Variants in COL22A1 observed in about 807,000 individuals in gnomAD.
The protein encoded by COL22A1 is collagen alpha-1(XXII) chain.
In COL22A1, 221 loss-of-function variants were observed where a neutral mutation model predicts 248.9. The observed-to-expected ratio is 0.89, with a 90% confidence interval of 0.80 to 0.99. The LOEUF (loss-of-function observed/expected upper bound fraction) is 0.99, where lower values mean the gene tolerates loss of function less well. Among genes scored for constraint, COL22A1 ranks in the 50% least tolerant of loss-of-function variants. The probability of loss-of-function intolerance (pLI) is 0.00; values close to 1 mark genes in which losing one functional copy is unlikely to be tolerated. For synonymous variants in COL22A1, 891 were observed against 793.4 expected (o/e 1.12, Z -2.07); for missense variants, 2,240 against 2,179.0 (o/e 1.03, Z -0.56).
chr8:138,799,469 T>C (rs1305467542), intron 11 of COL22A1, among the ~76,000 whole-genome samples: 3 of 152,196 alleles, frequency 2.0e-5, no homozygotes, highest in South Asian at 2.1e-4. Flanking sequence ...AAAAATTGTT[T>C]TTGTTCTTTT....
chr8:138,813,059 C>T, intron 7 of COL22A1, 40 bp from the exon 8 acceptor site: 1 of 1,527,072 alleles, frequency 6.5e-7, no homozygotes, highest in Non-Finnish European at 9.1e-7. Flanking sequence ...GTTTTAGGGA[C>T]TTTGGAACCC....
intron 12 of COL22A1, among the ~76,000 whole-genome samples, chr8:138,795,528 G>GACACACACACACC (rs1816432131): frequency 6.9e-6 from 1 of 144,784 alleles, no homozygotes; most frequent in African/African-American, 2.6e-5. Context: ...CTCTCTTTCA[G>GACACACACACACC]ACACACACAC....
At chr8:138,865,161 GCAGA>G (rs1305230865) in intron 3 of COL22A1, among the ~76,000 whole-genome samples, 1 of 152,188 alleles carries the variant, frequency 6.6e-6, no homozygotes, top group Non-Finnish European at 1.5e-5. Context: ...CAGTCAAAAT[GCAGA>G]CAGAGTTTTA....
At position 138,636,804 on chromosome 8, in the gene COL22A1, GA is replaced by G. The variant is rs200366128; in HGVS notation, c.3502-10del. 1.3e-4 allele frequency: 211 copies of G among 1,605,544 alleles called. 2 individuals are homozygous for G. Among genetic ancestry groups the G allele is most frequent in the South Asian group, 7.2e-4 (65 of 90,228 alleles). ...CGTTCTCCTTGACTTCCCTTGAAAGGAAAAAAAAGAAAAGAAAGATGTCACT... is the reference window on the plus strand; with the variant it reads ...CGTTCTCCTTGACTTCCCTTGAAAGGAAAAAAAGAAAAGAAAGATGTCACT... On this transcript the variant is annotated splice_polypyrimidine_tract_variant and intron_variant, in intron 47 of 64. Transcript: ENST00000303045.
At chr8:138,673,317 C>A (rs1825209796) in intron 41 of COL22A1, among the ~76,000 whole-genome samples, 1 of 151,198 alleles carries the variant, frequency 6.6e-6, no homozygotes, top group Admixed American at 6.6e-5. Context: ...TCAAGCAATT[C>A]TCCTGCCTCA....
rs2131869002 is a variant in COL22A1, at chr8:138,844,176, A to G, written c.659-18T>C. ...GAGCACATCTGAGGAAAGCAAGAGG[A>G]AACAGAGACTGATGAGAAAATGTGA... On this transcript the variant is annotated intron_variant, in intron 3 of 64. Transcript: ENST00000303045. The G allele has an allele frequency of 6.2e-7, 1 of 1,612,364 alleles. No homozygotes were observed. Among genetic ancestry groups the G allele is most frequent in the Non-Finnish European group, 8.5e-7 (1 of 1,178,372 alleles).
intron 55 of COL22A1, 25 bp downstream of exon 55, chr8:138,615,976 C>T (rs927969493): frequency 1.3e-6 from 2 of 1,596,066 alleles, no homozygotes; most frequent in Non-Finnish European, 1.7e-6. Flanking sequence ...CCCAGCCCAG[C>T]CAGGTCCCAC....
intron 26 of COL22A1, among the ~76,000 whole-genome samples, 195 bp from the exon 27 acceptor site, chr8:138,720,987 A>G (rs541923238): frequency 1.3e-5 from 2 of 152,344 alleles, no homozygotes; most frequent in South Asian, 2.1e-4. Flanking sequence ...CATATTCAAT[A>G]GCTGTAATTT....
intron 23 of COL22A1, among the ~76,000 whole-genome samples, chr8:138,726,630 A>G (rs1830337864): frequency 6.6e-6 from 1 of 152,192 alleles, no homozygotes; most frequent in Non-Finnish European, 1.5e-5. Flanking sequence ...CAGAGGGATG[A>G]AGGCAAGTGG....
intron 32 of COL22A1, among the ~76,000 whole-genome samples, chr8:138,698,683 A>C (rs142440702): frequency 0.015 from 2,196 of 149,020 alleles, 21 homozygotes; most frequent in Middle Eastern, 0.032. Context: ...AGTACCTGCC[A>C]TGCAGGTGAG....
chr8:138,610,847 T>C (rs1818802019), intron 56 of COL22A1, among the ~76,000 whole-genome samples: 1 of 152,224 alleles, frequency 6.6e-6, no homozygotes, highest in Non-Finnish European at 1.5e-5. Flanking sequence ...GAGGACTGCC[T>C]GAGCCCAGGA....
At chr8:138,599,640 G>T (rs890509857) in intron 60 of COL22A1, among the ~76,000 whole-genome samples, 1 of 152,132 alleles carries the variant, frequency 6.6e-6, no homozygotes, top group Admixed American at 6.5e-5. Context: ...TGGGAAGATC[G>T]CTTGAGGCCA....
intron 10 of COL22A1, among the ~76,000 whole-genome samples, chr8:138,804,329 G>A (rs1817270576): frequency 6.6e-6 from 1 of 152,198 alleles, no homozygotes. Context: ...TTGCAAGTGA[G>A]CTCTGCAGGA....
intron 23 of COL22A1, among the ~76,000 whole-genome samples, chr8:138,731,269 C>G (rs1830685528): frequency 6.6e-6 from 1 of 152,080 alleles, no homozygotes; most frequent in Non-Finnish European, 1.5e-5. Flanking sequence ...CCATTGCACT[C>G]CAGCCTGGGC....
At chr8:138,887,208 C>T (rs1444129083) in intron 1 of COL22A1, among the ~76,000 whole-genome samples, 1 of 151,852 alleles carries the variant, frequency 6.6e-6, no homozygotes, top group Non-Finnish European at 1.5e-5. Context: ...CACTATCCTT[C>T]CCAGACTGTG....
At position 138,668,697 on chromosome 8, in the gene COL22A1, A is replaced by T. The variant is rs4380981; in HGVS notation, c.3151-4957T>A. Among the ~76,000 whole-genome samples, 6 of 151,902 alleles carry T rather than the reference A, an allele frequency of 3.9e-5. No homozygotes were observed. In the South Asian group the frequency reaches 1.2e-3, roughly 32 times the overall value. On this transcript the variant is annotated intron_variant, in intron 41 of 64. Transcript: ENST00000303045. ...GTAATCTTTGATCTGAGTACCTCAC[A>T]TGTGTGCAGGCCTAGTGCTGTGTGC...
intron 52 of COL22A1, 89 bp from the exon 53 acceptor site, chr8:138,619,597 C>T: frequency 7.9e-7 from 1 of 1,268,608 alleles, no homozygotes; most frequent in East Asian, 2.3e-5. Flanking sequence ...CCAATCTATT[C>T]CCACAAGCCA....
chr8:138,761,511 A>G (rs1833484625), intron 17 of COL22A1, among the ~76,000 whole-genome samples: 1 of 152,040 alleles, frequency 6.6e-6, no homozygotes, highest in Non-Finnish European at 1.5e-5. Flanking sequence ...GGAATGAACT[A>G]TAAGTTTAAT....
chr8:138,707,786 T>G (rs1447557340), intron 30 of COL22A1, among the ~76,000 whole-genome samples: 2 of 152,124 alleles, frequency 1.3e-5, no homozygotes, highest in Non-Finnish European at 2.9e-5. Context: ...TTCTGGCCAG[T>G]GCGATCAGGC....
Sources: allele counts gnomAD v4.1 joint callset (sites outside exome capture counted in the v4.1 genomes callset), GRCh38; gene constraint gnomAD v4.1.1; transcripts MANE v1.5; gene names NCBI Gene and HGNC (gene_info 2026-07-23, HGNC 2026-07-21).